The following BCAT1 variants were observed in gnomAD, a reference collection of about 807,000 sequenced individuals.
The protein encoded by BCAT1 is branched chain amino acid transaminase 1, also known as branched-chain-amino-acid aminotransferase, cytosolic.
Under a neutral mutation model 52.4 loss-of-function variants are expected in BCAT1, and 48 were observed. That is an observed-to-expected ratio of 0.92 (90% CI 0.73 to 1.16). BCAT1 has a LOEUF of 1.16. BCAT1 is among the 50% of genes most tolerant of loss of function. The pLI is 0.00. For synonymous variants in BCAT1, 167 were observed against 161.3 expected (o/e 1.04, Z -0.27); for missense variants, 451 against 457.1 (o/e 0.99, Z 0.12).
chr12:24,882,003 T>C (rs1942516203), intron 3 of BCAT1, among the ~76,000 whole-genome samples: 1 of 152,182 alleles, frequency 6.6e-6, no homozygotes. Context: ...CTTCAGTAGA[T>C]ACATACTGAT....
chr12:24,849,591 TG>T (rs1409394798), intron 6 of BCAT1, among the ~76,000 whole-genome samples, 194 bp downstream of exon 6: 7 of 152,246 alleles, frequency 4.6e-5, no homozygotes, highest in Admixed American at 1.3e-4. Context: ...GCGAGGGCAC[TG>T]AATTCATACT....
At chr12:24,836,102 G>A (rs542531808) in intron 8 of BCAT1, among the ~76,000 whole-genome samples, 20 of 152,200 alleles carry the variant, frequency 1.3e-4, no homozygotes, top group African/African-American at 3.9e-4. Context: ...TCATTTCTAC[G>A]GCAAGCATGG....
intron 10 of BCAT1, among the ~76,000 whole-genome samples, chr12:24,829,323 G>T (rs989771509): frequency 1.3e-5 from 2 of 152,144 alleles, no homozygotes; most frequent in African/African-American, 4.8e-5. Context: ...GGCAGAGGTT[G>T]CAGTGAGCCA....
In BCAT1 at chr12:24,811,791, A is replaced by T. The variant is rs1051167822; in HGVS notation, c.*6217T>A. On this transcript the variant is annotated 3_prime_UTR_variant, in exon 11 of 11. Coordinates refer to ENST00000261192, the MANE Select transcript of BCAT1 (RefSeq NM_005504.7). ...CTGAGACTTGCAATGGCTGGAGTCT[A>T]TCAGTACAATAGTAATTGCAATCAG... The T allele has an allele frequency of 1.3e-5, 2 of 152,162 alleles. No individual in the cohort carries two copies. Among genetic ancestry groups the T allele is most frequent in the African/African-American group, 4.8e-5 (2 of 41,464 alleles). The allele number at this position is 152,162 out of a possible 1,614,324, so 9.4% of individuals were successfully genotyped here. A position where few individuals can be genotyped will look rare whatever the true frequency, so the allele number is the denominator to read the frequency against.
chr12:24,932,278 A>G (rs767462581), intron 1 of BCAT1, among the ~76,000 whole-genome samples: 18 of 152,174 alleles, frequency 1.2e-4, no homozygotes, highest in Non-Finnish European at 1.9e-4. Context: ...TACCAGGACT[A>G]AGGAACTTCA....
At chr12:24,886,782 AG>A (rs1277456599) in intron 3 of BCAT1, among the ~76,000 whole-genome samples, 7 of 149,760 alleles carry the variant, frequency 4.7e-5, no homozygotes, top group Non-Finnish European at 8.9e-5. Context: ...GGATCTATTG[AG>A]GCCAGGAGTT....
chr12:24,842,984 C>T (rs1941218963), intron 6 of BCAT1, among the ~76,000 whole-genome samples: 1 of 152,004 alleles, frequency 6.6e-6, no homozygotes, highest in African/African-American at 2.4e-5. Flanking sequence ...ATATTTTAGA[C>T]AAAACATGAG....
chr12:24,914,993 A>G (rs1480612246), intron 1 of BCAT1, among the ~76,000 whole-genome samples: 2 of 152,232 alleles, frequency 1.3e-5, no homozygotes, highest in East Asian at 3.8e-4. Context: ...TCTCTTCTAC[A>G]GTCATCCCAA....
At chr12:24,851,042 A>T (rs149598442) in intron 5 of BCAT1, among the ~76,000 whole-genome samples, 169 of 152,342 alleles carry the variant, frequency 1.1e-3, no homozygotes, top group African/African-American at 3.8e-3. Flanking sequence ...GCAGTTATAA[A>T]TAATTAGGGT....
At chr12:24,907,808 T>C (rs2139695650) in intron 1 of BCAT1, among the ~76,000 whole-genome samples, 1 of 152,288 alleles carries the variant, frequency 6.6e-6, no homozygotes, top group South Asian at 2.1e-4. Flanking sequence ...CCCAAACCTC[T>C]AAGAACTAAT....
At chr12:24,883,038 A>G (rs1037484569) in intron 3 of BCAT1, among the ~76,000 whole-genome samples, 2 of 151,884 alleles carry the variant, frequency 1.3e-5, no homozygotes, top group Admixed American at 6.6e-5. Context: ...TGTAATCCCA[A>G]CACGTTGGGA....
At position 24,812,096 on chromosome 12, in the gene BCAT1, A is replaced by C. The variant is rs1939705467; in HGVS notation, c.*5912T>G. 6.6e-6 allele frequency: 1 copy of C among 152,124 alleles called. No individual in the cohort carries two copies. The highest frequency in any genetic ancestry group is 2.1e-4 in the South Asian group (1 of 4,822). 9.4% of individuals were successfully genotyped at this position (152,124 alleles called of 1,614,324 possible). On this transcript the variant is annotated 3_prime_UTR_variant, in exon 11 of 11. Transcript: ENST00000261192. ...GAGTTTATTTTTAAGACCTGACTAAAAATCTGCACTCTTCAAAAACTTATT... is the reference window on the plus strand; with the variant it reads ...GAGTTTATTTTTAAGACCTGACTAACAATCTGCACTCTTCAAAAACTTATT...
chr12:24,894,342 G>A lies in BCAT1; in HGVS notation c.212C>T (p.Pro71Leu). ...EWSSEFGWEK[P>L]HIKPLQNLSL... Reference sequence around the variant, plus strand: ...CAGGTTCTGAAGAGGCTTGATATGAGGTTTCTCCCATCCAAACTCTGAGGA... The same window carrying A: ...CAGGTTCTGAAGAGGCTTGATATGAAGTTTCTCCCATCCAAACTCTGAGGA... The change falls in exon 3 of 11, where the codon CCT becomes CTT. Residue 71 changes from proline (P) to leucine (L), a missense_variant. Transcript: ENST00000261192. 7 of 1,613,902 alleles carry A rather than the reference G, an allele frequency of 4.3e-6. No individual in the cohort carries two copies. Among genetic ancestry groups the A allele is most frequent in the Non-Finnish European group, 5.9e-6 (7 of 1,179,880 alleles).
intron 1 of BCAT1, among the ~76,000 whole-genome samples, chr12:24,932,025 C>T (rs1369990464): frequency 6.6e-6 from 1 of 151,982 alleles, no homozygotes; most frequent in Non-Finnish European, 1.5e-5. Context: ...AGTAAAATTA[C>T]ATTGAGAGGC....
At chr12:24,866,180 G>A (rs568246101) in intron 5 of BCAT1, among the ~76,000 whole-genome samples, 4 of 152,320 alleles carry the variant, frequency 2.6e-5, no homozygotes, top group Non-Finnish European at 5.9e-5. Flanking sequence ...GCGACCGGCT[G>A]GCCCTGCCAG....
rs1939716009 is a variant in BCAT1 at position 24,812,361 on chromosome 12, A to G, written c.*5647T>C. On this transcript the variant is annotated 3_prime_UTR_variant, in exon 11 of 11. Transcript: ENST00000261192. ...ACTTCTTGTCTAAACTTATTATTTT[A>G]TTTGGCCTCAAGAAGCTTCATGGAT... The G allele has an allele frequency of 6.6e-6, 1 of 152,054 alleles. No homozygotes were observed. The highest frequency in any genetic ancestry group is 1.5e-5 in the Non-Finnish European group (1 of 67,926). 9.4% of individuals were successfully genotyped at this position (152,054 alleles called of 1,614,324 possible).
intron 10 of BCAT1, among the ~76,000 whole-genome samples, chr12:24,824,267 A>ACCTTCCTTCC (rs1940283738): frequency 6.9e-6 from 1 of 145,178 alleles, no homozygotes; most frequent in Non-Finnish European, 1.5e-5. Context: ...TCCTTCCTTC[A>ACCTTCCTTCC]TTCCCTCCCT....
In BCAT1 at chr12:24,849,683, A is replaced by G. The variant is rs1941446352; in HGVS notation, c.674+103T>C. ...TTAACCATGAAACACAATGAGCATT[A>G]AAGTTTGAAAAGTATTATATGTGTT... On this transcript the variant is annotated intron_variant, in intron 6 of 10. Coordinates refer to ENST00000261192, the MANE Select transcript of BCAT1 (RefSeq NM_005504.7). The G allele has an allele frequency of 3.1e-5, 38 of 1,236,090 alleles. 1 individual carries two copies. In the South Asian group the frequency reaches 7.7e-4, roughly 25 times the overall value. The allele number at this position is 1,236,090 out of a possible 1,614,324, so 76.6% of individuals were successfully genotyped here.
At chr12:24,937,922 A>G (rs1565506661) in intron 1 of BCAT1, among the ~76,000 whole-genome samples, 1 of 152,198 alleles carries the variant, frequency 6.6e-6, no homozygotes. Flanking sequence ...TGTGATTCAA[A>G]GGTCTGGGAT....
Sources: gnomAD v4.1 joint callset for allele counts (sites outside exome capture counted in the v4.1 genomes callset) on GRCh38, gnomAD v4.1.1 for gene constraint, MANE v1.5 for transcripts, NCBI Gene and HGNC (gene_info 2026-07-23, HGNC 2026-07-21) for gene names.